SLC36A1: variants seen among roughly 807,000 people sequenced by gnomAD.
The protein encoded by SLC36A1 is proton-coupled amino acid transporter 1.
In SLC36A1, 30 loss-of-function variants were observed where a neutral mutation model predicts 47.5. The ratio of observed to expected loss-of-function variants is 0.63; its 90% CI spans 0.47 to 0.86. The LOEUF is 0.86. Ranked by LOEUF, SLC36A1 falls within the 40% of genes least tolerant of loss-of-function variation. The pLI, the probability that SLC36A1 is intolerant of heterozygous loss-of-function variation, is 0.00. For synonymous variants in SLC36A1, 255 were observed against 249.7 expected, an observed-to-expected ratio of 1.02 and a Z score of -0.20; for missense variants, 517 against 606.0, an observed-to-expected ratio of 0.85 and a Z score of 1.54.
At chr5:151,475,292 T>G (rs150693902) in intron 8 of SLC36A1, among the ~76,000 whole-genome samples, 104 of 152,352 alleles carry the variant, frequency 6.8e-4, no homozygotes, top group African/African-American at 2.3e-3. Context: ...TTGTGCTAAA[T>G]TTTTAGTAGC....
chr5:151,455,809 C>T (rs1754413055), intron 1 of SLC36A1, among the ~76,000 whole-genome samples: 1 of 152,126 alleles, frequency 6.6e-6, no homozygotes, highest in Non-Finnish European at 1.5e-5. Context: ...CAAAAGCGAA[C>T]AAGGAGAGGA....
chr5:151,436,744 C>T (rs537963791), upstream of SLC36A1, among the ~76,000 whole-genome samples: 5 of 152,182 alleles, frequency 3.3e-5, no homozygotes, highest in East Asian at 9.6e-4. Context: ...TAGGACTATC[C>T]AGTCACGTTT....
At chr5:151,430,910 G>A in the SLC36A1 span, among the ~76,000 whole-genome samples, 1 of 152,080 alleles carries the variant, frequency 6.6e-6, no homozygotes, top group Admixed American at 6.5e-5. Flanking sequence ...CTGAATCCTT[G>A]TAGAACACTG....
chr5:151,467,659 T>G, intron 6 of SLC36A1, 48 bp from the exon 7 acceptor site: 2 of 1,499,364 alleles, frequency 1.3e-6, no homozygotes, highest in Non-Finnish European at 1.9e-6. Context: ...TCCACCGGCC[T>G]CTGTTGTTTG....
At position 151,479,385 on chromosome 5, in the gene SLC36A1, A is replaced by G; in HGVS notation, c.1055A>G (p.Tyr352Cys). 6 of 1,614,218 alleles carry G rather than the reference A, an allele frequency of 3.7e-6. No individual in the cohort carries two copies. The South Asian group carries it at 4.4e-5, about 12-fold the overall frequency. The stretch of plus-strand genomic sequence containing the variant: ...TTTTTCACCTACGCACTCCAGTTCT[A>G]CGTCCCGGCTGAGATCATCATCCCC... ...GIFFTYALQF[Y>C]VPAEIIIPFF... The change falls in exon 10 of 11, where the codon TAC (tyrosine) becomes TGC (cysteine). Residue 352 changes from tyrosine to cysteine, a missense_variant. Physicochemically the swap from Tyr to Cys is radical, Grantham distance 194. Coordinates refer to ENST00000243389, the MANE Select transcript of SLC36A1 (RefSeq NM_078483.4).
At chr5:151,357,959 G>T in the SLC36A1 span, among the ~76,000 whole-genome samples, 24 of 152,266 alleles carry the variant, frequency 1.6e-4, no homozygotes, top group African/African-American at 5.8e-4. Context: ...ACCAGAATAG[G>T]TTCAGAGAGC....
the SLC36A1 span, chr5:151,387,158 GC>G: frequency 4.6e-5 from 7 of 152,516 alleles, no homozygotes; most frequent in African/African-American, 1.7e-4. Context: ...AATGATCTTG[GC>G]AGAGACATAG....
chr5:151,427,479 C>T, the SLC36A1 span, among the ~76,000 whole-genome samples: 1 of 152,192 alleles, frequency 6.6e-6, no homozygotes, highest in Non-Finnish European at 1.5e-5. Flanking sequence ...AGTCGCAGCT[C>T]CCTGTGGGGT....
At chr5:151,540,553 C>T in the SLC36A1 span, 20 of 1,600,644 alleles carry the variant, frequency 1.2e-5, no homozygotes, top group East Asian at 4.5e-5. Flanking sequence ...CTCCACCCCT[C>T]GCCAGGCTCT....
chr5:151,456,472 G>A lies in SLC36A1; in HGVS notation c.-5-2316G>A, dbSNP rs73270285. ...GGTAGGCTTGGCGCCTGGGCCTCCT[G>A]ACATACCTGTAAACTGATTTACGAG... On this transcript the variant is annotated intron_variant, in intron 1 of 10. Coordinates refer to ENST00000243389, the MANE Select transcript of SLC36A1 (RefSeq NM_078483.4). Among the ~76,000 whole-genome samples the A allele has an allele frequency of 7.9e-3, 1,197 of 152,336 alleles. 23 individuals carry two copies. The highest frequency in any genetic ancestry group is 0.026 in the East Asian group (137 of 5,186).
chr5:151,406,999 C>T, the SLC36A1 span, among the ~76,000 whole-genome samples: 9 of 152,110 alleles, frequency 5.9e-5, no homozygotes, highest in African/African-American at 1.9e-4. Context: ...CAGACCTTTG[C>T]AGTGAGTGTT....
chr5:151,516,339 G>A, the SLC36A1 span, among the ~76,000 whole-genome samples: 3 of 151,966 alleles, frequency 2.0e-5, no homozygotes, highest in South Asian at 2.1e-4. Context: ...GTGAAACCTC[G>A]TCTCTGCTAA....
At chr5:151,483,652 T>G (rs992662374) in intron 10 of SLC36A1, among the ~76,000 whole-genome samples, 50 of 152,304 alleles carry the variant, frequency 3.3e-4, no homozygotes, top group African/African-American at 1.2e-3. Context: ...GGGGTTTTAT[T>G]TGCCCCACAT....
the SLC36A1 span, among the ~76,000 whole-genome samples, chr5:151,501,974 G>A: frequency 1.3e-5 from 2 of 148,322 alleles, no homozygotes; most frequent in Non-Finnish European, 2.9e-5. Flanking sequence ...ATAAAACACC[G>A]AGGGCATTCT....
At chr5:151,531,027 T>C in the SLC36A1 span, among the ~76,000 whole-genome samples, 3 of 152,212 alleles carry the variant, frequency 2.0e-5, no homozygotes, top group African/African-American at 7.2e-5. The surrounding 1 kb of genome is among the most constrained non-coding windows in gnomAD (Gnocchi z 5.7). Flanking sequence ...CTGGGTGGCC[T>C]CTGAGGCCCT....
At chr5:151,481,424 C>T (rs549082677) in intron 10 of SLC36A1, among the ~76,000 whole-genome samples, 18 of 152,272 alleles carry the variant, frequency 1.2e-4, no homozygotes, top group Admixed American at 3.3e-4. Flanking sequence ...TATTTATGCG[C>T]GTTCATTTTG....
the SLC36A1 span, among the ~76,000 whole-genome samples, chr5:151,418,905 C>T: frequency 1.4e-4 from 22 of 152,234 alleles, no homozygotes; most frequent in Admixed American, 2.6e-4. Flanking sequence ...CCATAATCAC[C>T]GCATGTCAAG....
the SLC36A1 span, among the ~76,000 whole-genome samples, chr5:151,514,529 G>A: frequency 1.9e-3 from 295 of 152,350 alleles, no homozygotes; most frequent in Non-Finnish European, 3.4e-3. Flanking sequence ...CATGGCTGGA[G>A]AAAAACGTGC....
intron 10 of SLC36A1, among the ~76,000 whole-genome samples, chr5:151,484,211 C>T (rs904100783): frequency 4.2e-4 from 64 of 152,118 alleles, no homozygotes; most frequent in African/African-American, 1.5e-3. Context: ...GGGGAGATGA[C>T]AGACTCTCAG....
Sources: gnomAD v4.1 joint callset for allele counts (sites outside exome capture counted in the v4.1 genomes callset) on GRCh38, gnomAD v4.1.1 for gene constraint, Gnocchi (gnomAD v3.1) non-coding constraint, MANE v1.5 for transcripts, NCBI Gene and HGNC (gene_info 2026-07-23, HGNC 2026-07-21) for gene names.